The following DIS3L variants were observed in gnomAD, a reference collection of about 807,000 sequenced individuals.
DIS3L encodes the protein DIS3 like exosome 3'-5' exoribonuclease.
Under a neutral mutation model 120.3 loss-of-function variants are expected in DIS3L, and 100 were observed. The ratio of observed to expected loss-of-function variants is 0.83; its 90% CI spans 0.71 to 0.98. The LOEUF (loss-of-function observed/expected upper bound fraction) is 0.98, where lower values mean the gene tolerates loss of function less well. Among genes scored for constraint, DIS3L ranks in the 50% least tolerant of loss-of-function variants. The pLI is 0.00. For missense variants in DIS3L, 1,196 were observed against 1,314.2 expected, an observed-to-expected ratio of 0.91 and a Z score of 1.39; for synonymous variants, 426 against 470.6, an observed-to-expected ratio of 0.91 and a Z score of 1.23.
chr15:66,300,013 T>C (rs1374854828), intron 2 of DIS3L, among the ~76,000 whole-genome samples: 1 of 152,154 alleles, frequency 6.6e-6, no homozygotes, highest in Non-Finnish European at 1.5e-5. Context: ...ATCGCTCCAC[T>C]GCACTCCAGC....
chr15:66,323,124 T>C (rs1038279037), intron 10 of DIS3L, among the ~76,000 whole-genome samples, 190 bp downstream of exon 10: 2 of 152,222 alleles, frequency 1.3e-5, no homozygotes, highest in Non-Finnish European at 2.9e-5. Flanking sequence ...ACCTTTGCTT[T>C]TTAACATAAC....
Position 66,326,080 on chromosome 15 carries a change from C to T in DIS3L, c.1917C>T (p.Val639=), listed in dbSNP as rs753759317. The T allele has an allele frequency of 6.2e-7, 1 of 1,614,124 alleles. No homozygotes were observed. Among genetic ancestry groups the T allele is most frequent in the South Asian group, 1.1e-5 (1 of 91,088 alleles). Residue 639 remains valine (V), a synonymous_variant, in exon 12 of 17, where the codon GTC becomes GTT. Transcript: ENST00000319212. The stretch of plus-strand genomic sequence containing the variant: ...AGCTGACCGACATAGCTCGCCATGT[C>T]AGAGCTAAACGAGACGGATGTGGTG... ...IGKLTDIARH[V]RAKRDGCGAL...
chr15:66,303,474 AG>A (rs2092669053), intron 2 of DIS3L, among the ~76,000 whole-genome samples: 1 of 152,220 alleles, frequency 6.6e-6, no homozygotes, highest in Admixed American at 6.5e-5. Flanking sequence ...CTCCCCCAGC[AG>A]ACCTGGCACA....
chr15:66,314,794 G>T, intron 6 of DIS3L: 1 of 418,322 alleles, frequency 2.4e-6, no homozygotes, highest in Non-Finnish European at 4.3e-6. Context: ...GAAGGGGATG[G>T]GGATATTTTT....
chr15:66,305,613 C>T (rs1218202701), intron 2 of DIS3L, among the ~76,000 whole-genome samples: 1 of 152,038 alleles, frequency 6.6e-6, no homozygotes, highest in African/African-American at 2.4e-5. Flanking sequence ...CAGCCTCAGA[C>T]TCCTGGGCTT....
chr15:66,293,473 C>T (rs1345144494), upstream of DIS3L: 6 of 1,228,514 alleles, frequency 4.9e-6, no homozygotes, highest in Non-Finnish European at 6.1e-6. Flanking sequence ...CTCCGGGCCT[C>T]CCCCGGGCGC....
Position 66,311,915 on chromosome 15 carries a change from T to G in DIS3L, c.735+15T>G. 6.2e-7 allele frequency: 1 copy of G among 1,612,978 alleles called. No individual in the cohort carries two copies. The highest frequency in any genetic ancestry group is 1.7e-5 in the Admixed American group (1 of 59,960). On this transcript the variant is annotated intron_variant, in intron 5 of 16. Transcript: ENST00000319212. ...GCTATATCCAGGTGAGGGTGGTAAT[T>G]TAGAATGTGTCAGGGCTGGGCACAG...
chr15:66,313,825 AAAG>A (rs1382393855), intron 5 of DIS3L, among the ~76,000 whole-genome samples: 15 of 147,346 alleles, frequency 1.0e-4, no homozygotes, highest in African/African-American at 1.3e-4. Flanking sequence ...ATCTCGAAAA[AAAG>A]AAAAAAGTGT....
At position 66,308,860 on chromosome 15, in the gene DIS3L, G is replaced by C. The variant is rs375199014; in HGVS notation, c.558+16G>C. 2 of 1,609,864 alleles carry C rather than the reference G, an allele frequency of 1.2e-6. No individual in the cohort carries two copies. The highest frequency in any genetic ancestry group is 1.3e-5 in the African/African-American group (1 of 74,586). ...TACTTTCAAGGTATTTCCAGATATT[G>C]TATATGTATGAGTGCTCATTTTCTA... is the stretch of plus-strand genomic sequence containing the variant. On this transcript the variant is annotated intron_variant, in intron 4 of 16. Transcript: ENST00000319212.
intron 2 of DIS3L, among the ~76,000 whole-genome samples, chr15:66,295,475 T>C (rs1027441985): frequency 6.6e-6 from 1 of 152,240 alleles, no homozygotes; most frequent in African/African-American, 2.4e-5. Context: ...TTATTTAATC[T>C]TATTTATAGA....
chr15:66,293,439 C>G, upstream of DIS3L: 1 of 1,192,240 alleles, frequency 8.4e-7, no homozygotes, highest in Non-Finnish European at 1.0e-6. Context: ...CCGGGAGGGC[C>G]GGGCCCCAGC....
chr15:66,295,217 G>T, intron 2 of DIS3L, 76 bp downstream of exon 2: 8 of 1,399,850 alleles, frequency 5.7e-6, no homozygotes, highest in Middle Eastern at 3.7e-4. Context: ...GTCGGAGGGG[G>T]ATGGGAGGAA....
chr15:66,322,950 A>G lies in DIS3L; in HGVS notation c.1574+16A>G. On this transcript the variant is annotated intron_variant, in intron 10 of 16. Coordinates refer to ENST00000319212, the MANE Select transcript of DIS3L (RefSeq NM_001143688.3). Reference sequence around the variant, plus strand: ...CTAGAACAAGGTAATGCTATTTGAAATCAGCTCTATGGTTGTGTGTATGTG... The same window carrying G: ...CTAGAACAAGGTAATGCTATTTGAAGTCAGCTCTATGGTTGTGTGTATGTG... 1.9e-6 allele frequency: 3 copies of G among 1,613,582 alleles called. No individual in the cohort carries two copies. The highest frequency in any genetic ancestry group is 1.1e-5 in the South Asian group (1 of 91,060).
At chr15:66,326,969 A>T (rs563129977) in intron 12 of DIS3L, among the ~76,000 whole-genome samples, 12 of 151,272 alleles carry the variant, frequency 7.9e-5, no homozygotes, top group African/African-American at 2.9e-4. Context: ...TCGCTCTGTC[A>T]TCCAGGCTGG....
At chr15:66,332,456 C>CA (rs369684200) in intron 15 of DIS3L, among the ~76,000 whole-genome samples, 21,002 of 78,142 alleles carry the variant, frequency 0.27, 2,741 homozygotes, top group Middle Eastern at 0.38. Context: ...GACTCTGTCT[C>CA]AAAAAAAAAA....
Position 66,308,746 on chromosome 15 carries a change from T to G in DIS3L, c.460T>G (p.Cys154Gly). 1.2e-6 allele frequency: 2 copies of G among 1,613,572 alleles called. No individual in the cohort carries two copies. Among genetic ancestry groups the G allele is most frequent in the Non-Finnish European group, 1.7e-6 (2 of 1,179,704 alleles). ...CGCAGCTGTTTGGTACTATCATCAC[T>G]GCCAGGACAGGATGCCAATTGTTAT... is the stretch of plus-strand genomic sequence containing the variant. ...YNAAVWYYHHCQDRMPIVMVT... is the reference protein window; with the variant it reads ...YNAAVWYYHHGQDRMPIVMVT... Residue 154 changes from cysteine to glycine, a missense_variant, in exon 4 of 17, where the codon TGC (cysteine) becomes GGC (glycine). Physicochemically the swap from Cys to Gly is radical, Grantham distance 159. Coordinates refer to ENST00000319212, the MANE Select transcript of DIS3L (RefSeq NM_001143688.3).
intron 2 of DIS3L, among the ~76,000 whole-genome samples, chr15:66,303,915 C>T (rs1271643800): frequency 6.7e-6 from 1 of 150,268 alleles, no homozygotes; most frequent in African/African-American, 2.5e-5. Context: ...CACGGTGAAC[C>T]CCGTCGCTAC....
intron 4 of DIS3L, among the ~76,000 whole-genome samples, chr15:66,309,094 A>AAAAAAAAAAAAAAATATAT: frequency 2.6e-4 from 4 of 15,318 alleles, no homozygotes; most frequent in Non-Finnish European, 3.6e-4. Flanking sequence ...AAAAAAAAAA[A>AAAAAAAAAAAAAAATATAT]ATATATATAT....
intron 5 of DIS3L, among the ~76,000 whole-genome samples, 154 bp from the exon 6 acceptor site, chr15:66,313,885 G>GTGTATA (rs1439963236): frequency 1.4e-5 from 2 of 144,936 alleles, no homozygotes; most frequent in East Asian, 3.9e-4. Context: ...ATATATGTGT[G>GTGTATA]TGTATATATA....
Sources: gnomAD v4.1 joint callset for allele counts (sites outside exome capture counted in the v4.1 genomes callset) on GRCh38, gnomAD v4.1.1 for gene constraint, MANE v1.5 for transcripts, NCBI Gene and HGNC (gene_info 2026-07-23, HGNC 2026-07-21) for gene names.